The following CREB5 variants were observed in gnomAD, a reference collection of about 807,000 sequenced individuals.
The protein encoded by CREB5 is cyclic AMP-responsive element-binding protein 5.
Under a neutral mutation model 57.1 loss-of-function variants are expected in CREB5, and 19 were observed. The ratio of observed to expected loss-of-function variants is 0.33; its 90% CI spans 0.23 to 0.49. CREB5 has a LOEUF of 0.49. Among genes scored for constraint, CREB5 ranks in the 20% least tolerant of loss-of-function variants. The probability of loss-of-function intolerance (pLI) is 0.99; values close to 1 mark genes in which losing one functional copy is unlikely to be tolerated. For missense variants in CREB5, 579 were observed against 671.6 expected (o/e 0.86, Z 1.52); for synonymous variants, 238 against 238.3 (o/e 1.00, Z 0.01).
At chr7:28,749,722 AT>A in intron 7 of CREB5, among the ~76,000 whole-genome samples, 1 of 152,152 alleles carries the variant, frequency 6.6e-6, no homozygotes, top group African/African-American at 2.4e-5. Context: ...GAGTCAGCTG[AT>A]TTTTTTCAAG....
At chr7:28,488,516 G>A (rs1381431244) in intron 2 of CREB5, among the ~76,000 whole-genome samples, 1 of 152,214 alleles carries the variant, frequency 6.6e-6, no homozygotes, top group African/African-American at 2.4e-5. Flanking sequence ...AAGCAAGCCA[G>A]GTGTATCCTG....
At chr7:28,436,992 GAGA>G (rs1418254086) in intron 1 of CREB5, among the ~76,000 whole-genome samples, 3 of 152,230 alleles carry the variant, frequency 2.0e-5, no homozygotes, top group East Asian at 3.9e-4. Flanking sequence ...GGTTTCAAAG[GAGA>G]AGAAGCAGCT....
intron 8 of CREB5, 62 bp downstream of exon 8, chr7:28,804,584 A>G (rs1808594970): frequency 5.1e-6 from 8 of 1,557,246 alleles, no homozygotes; most frequent in Non-Finnish European, 8.8e-7. Flanking sequence ...GCAAGCTCTA[A>G]TGCTGGGGTC....
At chr7:28,473,751 G>C (rs1436303209) in intron 1 of CREB5, among the ~76,000 whole-genome samples, 2 of 152,214 alleles carry the variant, frequency 1.3e-5, no homozygotes, top group African/African-American at 2.4e-5. Flanking sequence ...GATGAGAGCA[G>C]ACATAGGCTG....
At chr7:28,557,454 A>T (rs1205769577) in intron 4 of CREB5, among the ~76,000 whole-genome samples, 2 of 152,180 alleles carry the variant, frequency 1.3e-5, no homozygotes, top group Non-Finnish European at 2.9e-5. Context: ...TTAAGAAAAA[A>T]ATAGAACCAT....
chr7:28,365,853 A>G (rs1434460543), intron 1 of CREB5, among the ~76,000 whole-genome samples: 1 of 152,204 alleles, frequency 6.6e-6, no homozygotes, highest in Non-Finnish European at 1.5e-5. Flanking sequence ...TATAGCACCT[A>G]TAAAAATTTT....
intron 1 of CREB5, among the ~76,000 whole-genome samples, chr7:28,317,219 G>A (rs1456692814): frequency 6.6e-6 from 1 of 152,104 alleles, no homozygotes; most frequent in East Asian, 1.9e-4. Context: ...ACACAGAAAA[G>A]GAGGGTTCAG....
chr7:28,370,061 A>C (rs928048576), intron 1 of CREB5, among the ~76,000 whole-genome samples: 2 of 152,174 alleles, frequency 1.3e-5, no homozygotes, highest in Non-Finnish European at 2.9e-5. Context: ...TAGAAGTGAG[A>C]ATTACTATAA....
At chr7:28,560,895 TGCGTGCGCGCGTGC>T (rs1294521832) in intron 4 of CREB5, among the ~76,000 whole-genome samples, 3 of 26,668 alleles carry the variant, frequency 1.1e-4, no homozygotes, top group African/African-American at 2.8e-4. Flanking sequence ...TGCGTGTGTG[TGCGTGCGCGCGTGC>T]GTGTGCGTGT....
rs79307964 is a variant in CREB5, at chr7:28,792,740, A to T, written c.703-11459A>T. On this transcript the variant is annotated intron_variant, in intron 7 of 10. Transcript: ENST00000357727. ...GTGTGGCTTACCTGAAATACTGAAG[A>T]TCATGCTGTTATCAGTGATGACTGG... is the stretch of plus-strand genomic sequence containing the variant. 1.3e-3 allele frequency among the ~76,000 whole-genome samples: 203 copies of T among 152,288 alleles called. 2 individuals are homozygous for T. In the East Asian group the frequency reaches 0.019, roughly 15 times the overall value.
At chr7:28,469,359 CAG>C (rs1790718877) in intron 1 of CREB5, among the ~76,000 whole-genome samples, 1 of 152,180 alleles carries the variant, frequency 6.6e-6, no homozygotes, top group Admixed American at 6.5e-5. Flanking sequence ...AACATAGAGA[CAG>C]AGTGATGGCA....
At chr7:28,675,957 G>A (rs1800301901) in intron 5 of CREB5, among the ~76,000 whole-genome samples, 2 of 152,144 alleles carry the variant, frequency 1.3e-5, no homozygotes, top group Non-Finnish European at 2.9e-5. Context: ...TTTTAAAGAG[G>A]ATTACTGCCC....
chr7:28,789,698 T>G (rs1403119515), intron 7 of CREB5, among the ~76,000 whole-genome samples: 1 of 152,136 alleles, frequency 6.6e-6, no homozygotes, highest in Non-Finnish European at 1.5e-5. Context: ...AAATTAGGAT[T>G]CAAAGAGAAG....
intron 5 of CREB5, among the ~76,000 whole-genome samples, chr7:28,698,114 A>AG (rs1241619263): frequency 1.3e-5 from 2 of 152,166 alleles, no homozygotes; most frequent in Admixed American, 6.6e-5. Flanking sequence ...TTAAGAATTA[A>AG]GGGGGGAAAG....
intron 7 of CREB5, among the ~76,000 whole-genome samples, chr7:28,735,802 CCT>C (rs893829416): frequency 1.3e-5 from 2 of 151,014 alleles, no homozygotes; most frequent in African/African-American, 2.4e-5. Context: ...CTGTGTGCTT[CCT>C]CTCTCTCTCT....
At chr7:28,514,386 ATTTGT>A (rs1175689893) in intron 4 of CREB5, among the ~76,000 whole-genome samples, 3 of 151,694 alleles carry the variant, frequency 2.0e-5, no homozygotes, top group Non-Finnish European at 4.4e-5. Context: ...CACAGGTTTT[ATTTGT>A]TTTATTTATT....
chr7:28,422,041 G>T (rs764373464), intron 1 of CREB5, among the ~76,000 whole-genome samples: 27 of 151,978 alleles, frequency 1.8e-4, no homozygotes, highest in Non-Finnish European at 3.5e-4. Context: ...CCAATGAGAA[G>T]TTGCTTTGCG....
chr7:28,560,841 T>TGTGCGTGTGTGTGCGCGCGTGC lies in CREB5; in HGVS notation c.292-9519_292-9518insTGTGTGTGCGCGCGTGCGTGCG, dbSNP rs1443960015. ...GTGTGTGCGCGCGCGCGCGTGTGTG[T>TGTGCGTGTGTGTGCGCGCGTGC]GTGCGCGTGTGTGTGTGCGTGTGCC... On this transcript the variant is annotated intron_variant, in intron 4 of 10. Transcript: ENST00000357727. Among the ~76,000 whole-genome samples the TGTGCGTGTGTGTGCGCGCGTGC allele has an allele frequency of 9.3e-5, 7 of 75,114 alleles. No homozygotes were observed. The East Asian group carries it at 1.3e-3, about 14-fold the overall frequency. The allele number at this position is 75,114 out of a possible 152,430, so 49.3% of individuals were successfully genotyped here.
intron 2 of CREB5, among the ~76,000 whole-genome samples, chr7:28,492,394 A>G (rs1171460281): frequency 6.6e-6 from 1 of 152,172 alleles, no homozygotes; most frequent in Non-Finnish European, 1.5e-5. Context: ...GCTCAGTGTT[A>G]ATTTCACTCT....
Sources: gnomAD v4.1 joint callset for allele counts (sites outside exome capture counted in the v4.1 genomes callset) on GRCh38, gnomAD v4.1.1 for gene constraint, MANE v1.5 for transcripts, NCBI Gene and HGNC (gene_info 2026-07-23, HGNC 2026-07-21) for gene names.